The following DGKG variants were observed in gnomAD, a reference collection of about 807,000 sequenced individuals.
The protein encoded by DGKG is DAG kinase gamma.
A neutral mutation model predicts 105.3 loss-of-function variants in DGKG; 78 were observed. That is an observed-to-expected ratio of 0.74 (90% CI 0.62 to 0.89). DGKG has a LOEUF of 0.89. Among genes scored for constraint, DGKG ranks in the 40% least tolerant of loss-of-function variants. The pLI, the probability that DGKG is intolerant of heterozygous loss-of-function variation, is 0.00. For synonymous variants in DGKG, 346 were observed against 367.1 expected, an observed-to-expected ratio of 0.94 and a Z score of 0.66; for missense variants, 958 against 1,020.1, an observed-to-expected ratio of 0.94 and a Z score of 0.83.
At position 186,226,972 on chromosome 3, in the gene DGKG, T is replaced by G. The variant is rs1384796055; in HGVS notation, c.1827-15087A>C. On this transcript the variant is annotated intron_variant, in intron 20 of 24. Transcript: ENST00000265022. This position sits in a 1 kb window ranked among gnomAD's most constrained non-coding sequence, Gnocchi z 4.2. ...AATGCCTTCTTAGTAAAATATGAAG[T>G]GGTAAGCACCTCCTAACCCCTTCAA... Among the ~76,000 whole-genome samples the G allele has an allele frequency of 5.3e-5, 8 of 152,156 alleles. No individual in the cohort carries two copies. Among genetic ancestry groups the G allele is most frequent in the Non-Finnish European group, 8.8e-5 (6 of 68,024 alleles).
intron 1 of DGKG, among the ~76,000 whole-genome samples, chr3:186,355,012 C>T (rs761227182): frequency 6.6e-6 from 1 of 152,096 alleles, no homozygotes; most frequent in Admixed American, 6.5e-5. Context: ...ATCTCTAATC[C>T]TAATTGAATA....
rs561094926 is a variant in DGKG at position 186,284,577 on chromosome 3, C to A, written c.594+83G>T. The A allele has an allele frequency of 1.2e-5, 15 of 1,240,646 alleles. No homozygotes were observed. The Admixed American group carries it at 1.5e-4, about 13-fold the overall frequency. The allele number at this position is 1,240,646 out of a possible 1,614,324, so 76.9% of individuals were successfully genotyped here. A position where few individuals can be genotyped will look rare whatever the true frequency, so the allele number is the denominator to read the frequency against. On this transcript the variant is annotated intron_variant, in intron 7 of 24. Transcript: ENST00000265022. This position sits in a 1 kb window ranked among gnomAD's most constrained non-coding sequence, Gnocchi z 4.0. ...CTATTACTACAAAGACGGAACTGAACATTTTCAGATTCTTCCTCTGCTTGC... is the reference window on the plus strand; with the variant it reads ...CTATTACTACAAAGACGGAACTGAAAATTTTCAGATTCTTCCTCTGCTTGC...
intron 20 of DGKG, among the ~76,000 whole-genome samples, chr3:186,225,366 C>T (rs1719808115): frequency 2.0e-5 from 3 of 150,982 alleles, no homozygotes; most frequent in Admixed American, 2.0e-4. Context: ...GATCAGTTCA[C>T]ATTTATAGCA....
chr3:186,242,736 T>G (rs1578714567), intron 19 of DGKG, 168 bp from the exon 20 acceptor site: 1 of 549,682 alleles, frequency 1.8e-6, no homozygotes, highest in Non-Finnish European at 3.3e-6. Flanking sequence ...GGCTCAACAC[T>G]GCCTCCAGGG....
chr3:186,261,347 G>A (rs1326978508), intron 15 of DGKG, among the ~76,000 whole-genome samples: 3 of 152,160 alleles, frequency 2.0e-5, no homozygotes, highest in Non-Finnish European at 4.4e-5. Context: ...TAATCAACGG[G>A]CTGCCCATCA....
intron 24 of DGKG, among the ~76,000 whole-genome samples, chr3:186,152,821 G>A (rs1039932466): frequency 1.3e-5 from 2 of 152,006 alleles, no homozygotes; most frequent in African/African-American, 4.8e-5. Context: ...TTATCACCAT[G>A]CCTGGCTAAT....
chr3:186,241,767 TACAG>T (rs1720697817), intron 20 of DGKG, among the ~76,000 whole-genome samples: 1 of 152,068 alleles, frequency 6.6e-6, no homozygotes, highest in South Asian at 2.1e-4. Context: ...AATGAGAAGA[TACAG>T]ACAAAGAAGG....
At chr3:186,294,427 T>C (rs1723450432) in intron 5 of DGKG, among the ~76,000 whole-genome samples, 1 of 151,384 alleles carries the variant, frequency 6.6e-6, no homozygotes, top group African/African-American at 2.4e-5. Context: ...TCCCAGCTAC[T>C]CAGGAGGCTG....
In DGKG at chr3:186,233,640, T is replaced by C. The variant is rs185954293; in HGVS notation, c.1826+8864A>G. Reference sequence around the variant, plus strand: ...GACTACAGGCGCCCACCACCACGCCTGGCTAATTTTGTTTTCGTATTTTTA... The same window carrying C: ...GACTACAGGCGCCCACCACCACGCCCGGCTAATTTTGTTTTCGTATTTTTA... On this transcript the variant is annotated intron_variant, in intron 20 of 24. Transcript: ENST00000265022. Among the ~76,000 whole-genome samples, 639 of 152,060 alleles carry C rather than the reference T, an allele frequency of 4.2e-3. 3 individuals carry two copies. The highest frequency in any genetic ancestry group is 0.014 in the African/African-American group (584 of 41,512).
intron 20 of DGKG, among the ~76,000 whole-genome samples, chr3:186,213,164 G>A (rs1398201309): frequency 6.6e-6 from 1 of 152,186 alleles, no homozygotes; most frequent in Non-Finnish European, 1.5e-5. Context: ...ACTAATAAAT[G>A]ATGAAGAAAG....
At chr3:186,297,738 G>C (rs1327152364) in intron 4 of DGKG, among the ~76,000 whole-genome samples, 1 of 152,198 alleles carries the variant, frequency 6.6e-6, no homozygotes, top group African/African-American at 2.4e-5. Context: ...GGACACAGAA[G>C]CTGAATGTGC....
chr3:186,353,705 T>TCTA (rs1553825822), intron 1 of DGKG, among the ~76,000 whole-genome samples: 170 of 114,890 alleles, frequency 1.5e-3, no homozygotes, highest in African/African-American at 5.8e-3. Context: ...TATATCTATA[T>TCTA]AACAGTGGAC....
At chr3:186,273,833 A>G (rs1002559536) in intron 10 of DGKG, among the ~76,000 whole-genome samples, 1 of 152,192 alleles carries the variant, frequency 6.6e-6, no homozygotes, top group Non-Finnish European at 1.5e-5. Context: ...GCCTCCCTGC[A>G]GCAGCAGCTC....
rs545411725 is a variant in DGKG at position 186,280,659 on chromosome 3, T to A, written c.669+11A>T. On this transcript the variant is annotated intron_variant, in intron 8 of 24. Coordinates refer to ENST00000265022, the MANE Select transcript of DGKG (RefSeq NM_001346.3). Reference sequence around the variant, plus strand: ...TCACTCCAAAGCCACCCCATCCTTATAGAAACTCACAGGCCTCAGCTCTGT... The same window carrying A: ...TCACTCCAAAGCCACCCCATCCTTAAAGAAACTCACAGGCCTCAGCTCTGT... 2 of 1,611,894 alleles carry A rather than the reference T, an allele frequency of 1.2e-6. No individual in the cohort carries two copies. The highest frequency in any genetic ancestry group is 1.7e-6 in the Non-Finnish European group (2 of 1,178,178).
intron 5 of DGKG, among the ~76,000 whole-genome samples, chr3:186,296,253 A>G (rs1723558057): frequency 1.3e-5 from 2 of 152,234 alleles, no homozygotes; most frequent in Non-Finnish European, 2.9e-5. Context: ...CTTCATAAGA[A>G]CATTTGTTAT....
intron 2 of DGKG, among the ~76,000 whole-genome samples, chr3:186,319,950 T>G (rs1195141310): frequency 6.6e-6 from 1 of 152,224 alleles, no homozygotes; most frequent in East Asian, 1.9e-4. Flanking sequence ...AACGATTGAG[T>G]AACATTGTAG....
rs201290278 is a variant in DGKG at position 186,242,611 on chromosome 3, T to G, written c.1762-43A>C. ...AAAGCAGATCCTTGGTGAGTGGTCA[T>G]GACAGTGCAGTGCGGAGGGAAGGGA... On this transcript the variant is annotated intron_variant, in intron 19 of 24. Transcript: ENST00000265022. 1.2e-4 allele frequency: 197 copies of G among 1,585,146 alleles called. No homozygotes were observed. The African/African-American group carries it at 2.5e-3, about 20-fold the overall frequency.
At chr3:186,270,037 G>A (rs1003390733) in intron 11 of DGKG, among the ~76,000 whole-genome samples, 7 of 152,200 alleles carry the variant, frequency 4.6e-5, no homozygotes, top group Non-Finnish European at 7.3e-5. Flanking sequence ...GGAGAAGGTG[G>A]GGGACATACC....
chr3:186,169,521 T>A (rs1716720517), intron 22 of DGKG, among the ~76,000 whole-genome samples: 1 of 152,242 alleles, frequency 6.6e-6, no homozygotes, highest in African/African-American at 2.4e-5. Context: ...CCAATTCCCA[T>A]CTGGCAAGGG....
Sources: gnomAD v4.1 joint callset for allele counts (sites outside exome capture counted in the v4.1 genomes callset) on GRCh38, gnomAD v4.1.1 for gene constraint, Gnocchi (gnomAD v3.1) non-coding constraint, MANE v1.5 for transcripts, NCBI Gene and HGNC (gene_info 2026-07-23, HGNC 2026-07-21) for gene names.